TANC1: variants seen among roughly 807,000 people sequenced by gnomAD.
TANC1 encodes tetratricopeptide repeat, ankyrin repeat and coiled-coil containing 1, also known as protein TANC1.
In TANC1, 77 loss-of-function variants were observed where a neutral mutation model predicts 149.7. That is an observed-to-expected ratio of 0.51 (90% CI 0.43 to 0.62). TANC1 has a LOEUF of 0.62. Among genes scored for constraint, TANC1 ranks in the 20% least tolerant of loss-of-function variants. The pLI is 0.00. For missense variants in TANC1, 1,985 were observed against 2,321.8 expected (o/e 0.85, Z 2.98); for synonymous variants, 854 against 925.0 (o/e 0.92, Z 1.39).
At chr2:159,198,912 A>G in intron 18 of TANC1, 63 bp from the exon 19 acceptor site, 3 of 1,133,106 alleles carry the variant, frequency 2.6e-6, no homozygotes, top group Non-Finnish European at 4.0e-6. Context: ...CCTTTGATAC[A>G]TGGGCTATAA....
rs2059821844 is a variant in TANC1, at chr2:159,223,371, C to A, written c.3679-861C>A. On this transcript the variant is annotated intron_variant, in intron 22 of 26. Transcript: ENST00000263635. The stretch of plus-strand genomic sequence containing the variant: ...CATCTTCTCATATGCTTGTTGAGCA[C>A]TTGTTGATCATTTTTGTAGAAATCT... 2.0e-5 allele frequency among the ~76,000 whole-genome samples: 3 copies of A among 152,016 alleles called. No individual in the cohort carries two copies. In the South Asian group the frequency reaches 6.2e-4, roughly 32 times the overall value.
At chr2:159,144,401 AG>A (rs1323192704) in intron 5 of TANC1, among the ~76,000 whole-genome samples, 1 of 152,174 alleles carries the variant, frequency 6.6e-6, no homozygotes, top group African/African-American at 2.4e-5. Flanking sequence ...TCTGAGACGG[AG>A]TCTCGCTCTG....
At chr2:158,997,429 G>A (rs1559114331) in intron 1 of TANC1, among the ~76,000 whole-genome samples, 1 of 152,206 alleles carries the variant, frequency 6.6e-6, no homozygotes, top group South Asian at 2.1e-4. Flanking sequence ...TGTATTCATG[G>A]ATTAGGACAC....
At chr2:159,090,017 A>G (rs1042582225) in intron 3 of TANC1, among the ~76,000 whole-genome samples, 1 of 152,234 alleles carries the variant, frequency 6.6e-6, no homozygotes, top group Non-Finnish European at 1.5e-5. Flanking sequence ...GTACATTTAA[A>G]TATTTACAGG....
At chr2:159,196,114 T>C (rs1446615746) in intron 17 of TANC1, among the ~76,000 whole-genome samples, 1 of 152,208 alleles carries the variant, frequency 6.6e-6, no homozygotes, top group Non-Finnish European at 1.5e-5. Context: ...CAGATGCCAC[T>C]TGGACTCCTT....
At chr2:159,092,934 C>T (rs181164206) in intron 3 of TANC1, among the ~76,000 whole-genome samples, 5 of 152,198 alleles carry the variant, frequency 3.3e-5, no homozygotes, top group East Asian at 1.9e-4. Flanking sequence ...CTGAGCTGAC[C>T]GGTTGTGGGG....
At chr2:159,050,781 C>T (rs1015688597) in intron 2 of TANC1, among the ~76,000 whole-genome samples, 2 of 152,090 alleles carry the variant, frequency 1.3e-5, no homozygotes, top group Non-Finnish European at 2.9e-5. Flanking sequence ...CCATTTGTAT[C>T]GATAAATCTT....
intron 19 of TANC1, among the ~76,000 whole-genome samples, chr2:159,205,929 C>T (rs534917806): frequency 1.1e-4 from 16 of 152,320 alleles, no homozygotes; most frequent in South Asian, 2.1e-4. Flanking sequence ...GACTTGCTGT[C>T]GTACACTGAA....
chr2:159,134,522 G>A (rs185921384), intron 4 of TANC1, among the ~76,000 whole-genome samples: 22 of 152,120 alleles, frequency 1.4e-4, no homozygotes, highest in African/African-American at 4.1e-4. Flanking sequence ...TTGCTCTGTC[G>A]CCCAGGCTAG....
At chr2:159,088,232 C>T (rs1052771682) in intron 3 of TANC1, among the ~76,000 whole-genome samples, 2 of 152,182 alleles carry the variant, frequency 1.3e-5, no homozygotes, top group East Asian at 1.9e-4. Context: ...TGTTTGTATC[C>T]TAGTAAAACA....
chr2:159,181,796 T>A (rs1431303966), intron 14 of TANC1, among the ~76,000 whole-genome samples: 1 of 152,252 alleles, frequency 6.6e-6, no homozygotes, highest in Non-Finnish European at 1.5e-5. Context: ...CTGGTAGCTA[T>A]TAAATCAGAT....
chr2:159,017,695 A>AT (rs2038416320), intron 2 of TANC1, among the ~76,000 whole-genome samples: 1 of 138,878 alleles, frequency 7.2e-6, no homozygotes, highest in African/African-American at 2.7e-5. Flanking sequence ...ACAACAACAA[A>AT]ATATATATAT....
chr2:159,219,570 A>C, intron 21 of TANC1, 122 bp from the exon 22 acceptor site: 1 of 1,353,260 alleles, frequency 7.4e-7, no homozygotes, highest in Non-Finnish European at 1.0e-6. Flanking sequence ...GGCCAGTGTC[A>C]CCCTTCACAG....
intron 4 of TANC1, among the ~76,000 whole-genome samples, chr2:159,102,205 T>C (rs2046789419): frequency 6.6e-6 from 1 of 152,130 alleles, no homozygotes; most frequent in Non-Finnish European, 1.5e-5. Context: ...CTTCTAGTCT[T>C]TTGAAAAAAA....
chr2:159,098,957 G>A (rs1050968407), intron 4 of TANC1, among the ~76,000 whole-genome samples: 2 of 151,986 alleles, frequency 1.3e-5, no homozygotes, highest in Admixed American at 6.6e-5. Context: ...TCAAAAATGT[G>A]CCTAGGGCTG....
intron 3 of TANC1, among the ~76,000 whole-genome samples, chr2:159,086,071 C>T (rs1157288745): frequency 6.6e-6 from 1 of 152,164 alleles, no homozygotes; most frequent in Non-Finnish European, 1.5e-5. Flanking sequence ...CCTCATTGCA[C>T]AGCTCCGGGG....
intron 2 of TANC1, among the ~76,000 whole-genome samples, chr2:159,027,564 G>A (rs879843728): frequency 3.3e-5 from 5 of 152,076 alleles, no homozygotes; most frequent in African/African-American, 9.7e-5. Flanking sequence ...CCTAGCTCTC[G>A]TCTTCTGAAC....
At chr2:159,009,123 T>G (rs998809471) in intron 2 of TANC1, among the ~76,000 whole-genome samples, 1 of 152,194 alleles carries the variant, frequency 6.6e-6, no homozygotes, top group Non-Finnish European at 1.5e-5. Flanking sequence ...AGCTTTATTT[T>G]CACTTGAGAG....
intron 19 of TANC1, among the ~76,000 whole-genome samples, chr2:159,200,467 C>T (rs538052025): frequency 2.0e-5 from 3 of 152,202 alleles, no homozygotes; most frequent in Non-Finnish European, 4.4e-5. Flanking sequence ...CATGACATCA[C>T]ACATTTAGCT....
Sources: allele counts gnomAD v4.1 joint callset (sites outside exome capture counted in the v4.1 genomes callset), GRCh38; gene constraint gnomAD v4.1.1; transcripts MANE v1.5; gene names NCBI Gene and HGNC (gene_info 2026-07-23, HGNC 2026-07-21).